ROCK1: variants seen among roughly 807,000 people sequenced by gnomAD.
ROCK1 encodes rho-associated protein kinase 1.
In ROCK1, 36 loss-of-function variants were observed where a neutral mutation model predicts 196.8. The ratio of observed to expected loss-of-function variants is 0.18; its 90% CI spans 0.14 to 0.24. The LOEUF (loss-of-function observed/expected upper bound fraction) is 0.24. ROCK1 is among the 10% of genes least tolerant of loss of function. ROCK1 has a pLI of 1.00. For missense variants in ROCK1, 920 were observed against 1,562.0 expected (o/e 0.59, Z 6.93); for synonymous variants, 443 against 515.9 (o/e 0.86, Z 1.91).
At chr18:21,065,353 T>G (rs529155684) in intron 2 of ROCK1, among the ~76,000 whole-genome samples, 4 of 152,104 alleles carry the variant, frequency 2.6e-5, no homozygotes, top group Non-Finnish European at 5.9e-5. Flanking sequence ...ACATAAAATA[T>G]CAGTTCTGTT....
intron 13 of ROCK1, among the ~76,000 whole-genome samples, chr18:21,009,052 C>G (rs906961472): frequency 3.3e-5 from 5 of 152,090 alleles, no homozygotes; most frequent in Non-Finnish European, 7.4e-5. Context: ...CACCCATCCC[C>G]GTCCTCCCAC....
chr18:21,086,042 C>A (rs2036523970), intron 1 of ROCK1, among the ~76,000 whole-genome samples: 1 of 151,412 alleles, frequency 6.6e-6, no homozygotes, highest in African/African-American at 2.4e-5. Context: ...TTTTAAGTAT[C>A]TAATTTGTTA....
Position 21,076,989 on chromosome 18 carries a change from C to T in ROCK1, c.94-6376G>A, listed in dbSNP as rs1420196574. On this transcript the variant is annotated intron_variant, in intron 1 of 32. Coordinates refer to ENST00000399799, the MANE Select transcript of ROCK1 (RefSeq NM_005406.3). The stretch of plus-strand genomic sequence containing the variant: ...TTTTTTTTTTTTTTTTTTTTTGAGA[C>T]GGAGTCTCGCTCTGTCGCCCAGGCC... Among the ~76,000 whole-genome samples the T allele has an allele frequency of 5.7e-5, 6 of 105,122 alleles. No homozygotes were observed. The East Asian group carries it at 1.5e-3, about 27-fold the overall frequency. 69.0% of individuals were successfully genotyped at this position (105,122 alleles called of 152,430 possible). A position where few individuals can be genotyped will look rare whatever the true frequency, so the allele number is the denominator to read the frequency against.
At chr18:21,040,882 T>C (rs2036099809) in intron 8 of ROCK1, among the ~76,000 whole-genome samples, 1 of 152,102 alleles carries the variant, frequency 6.6e-6, no homozygotes, top group Non-Finnish European at 1.5e-5. Context: ...CCCAGCACTT[T>C]GGGAGGCCAA....
intron 32 of ROCK1, chr18:20,953,311 G>C: frequency 3.4e-6 from 1 of 294,862 alleles, no homozygotes; most frequent in African/African-American, 2.2e-5. Context: ...GTTGGTTAAA[G>C]CATTAAGGGC....
At chr18:20,990,091 A>G (rs2035610426) in intron 18 of ROCK1, among the ~76,000 whole-genome samples, 1 of 151,944 alleles carries the variant, frequency 6.6e-6, no homozygotes, top group Non-Finnish European at 1.5e-5. Flanking sequence ...AAAAATAAAT[A>G]ATTTTTAAAA....
At chr18:20,979,667 C>T (rs2035512445) in intron 22 of ROCK1, among the ~76,000 whole-genome samples, 1 of 151,852 alleles carries the variant, frequency 6.6e-6, no homozygotes. Flanking sequence ...CCCCTGAAAA[C>T]AATTGTCAAA....
chr18:21,091,905 G>GT (rs1373296806), intron 1 of ROCK1, among the ~76,000 whole-genome samples: 1 of 148,882 alleles, frequency 6.7e-6, no homozygotes, highest in Non-Finnish European at 1.5e-5. Context: ...GGGGTGGGCG[G>GT]TGGGGCAAAG....
rs575272403 is a variant in ROCK1 at position 21,101,533 on chromosome 18, A to C, written c.93+9285T>G. Among the ~76,000 whole-genome samples, 7 of 152,380 alleles carry C rather than the reference A, an allele frequency of 4.6e-5. No homozygotes were observed. The East Asian group carries it at 9.6e-4, about 21-fold the overall frequency. On this transcript the variant is annotated intron_variant, in intron 1 of 32. Transcript: ENST00000399799. ...ATATGGAAAATACAGGAAGAAGTTA[A>C]ATTACATCATTAGGAAAGTAAAAAG... is the stretch of plus-strand genomic sequence containing the variant.
chr18:21,067,574 A>T (rs764271447), intron 2 of ROCK1, among the ~76,000 whole-genome samples: 3 of 151,860 alleles, frequency 2.0e-5, no homozygotes, highest in Non-Finnish European at 4.4e-5. Context: ...TTTAGTAGAG[A>T]TGGGGTTTCG....
chr18:21,042,822 T>C (rs1175175848), intron 6 of ROCK1, 113 bp from the exon 7 acceptor site: 9 of 1,049,408 alleles, frequency 8.6e-6, no homozygotes, highest in Non-Finnish European at 1.2e-5. Flanking sequence ...CTATAAAATA[T>C]CATATATTAA....
At chr18:20,960,289 G>GC in intron 27 of ROCK1, 83 bp from the exon 28 acceptor site, 1 of 823,866 alleles carries the variant, frequency 1.2e-6, no homozygotes, top group Non-Finnish European at 2.1e-6. Context: ...ACAGCATGCA[G>GC]CAACAAGCAA....
chr18:21,108,011 C>T (rs2036718228), intron 1 of ROCK1, among the ~76,000 whole-genome samples: 1 of 151,646 alleles, frequency 6.6e-6, no homozygotes, highest in South Asian at 2.1e-4. Context: ...GCCAAGATCG[C>T]GCCACTGCAC....
At chr18:21,057,807 C>A (rs139308435) in intron 2 of ROCK1, among the ~76,000 whole-genome samples, 1 of 151,510 alleles carries the variant, frequency 6.6e-6, no homozygotes, top group African/African-American at 2.4e-5. Context: ...GGTGACTGAC[C>A]GAGACTCTGT....
At chr18:21,034,167 GA>G (rs994428283) in intron 9 of ROCK1, among the ~76,000 whole-genome samples, 2 of 152,056 alleles carry the variant, frequency 1.3e-5, no homozygotes, top group African/African-American at 4.8e-5. Context: ...AATAAATGGG[GA>G]CACATCCTGT....
At chr18:21,081,402 T>C (rs2036481802) in intron 1 of ROCK1, among the ~76,000 whole-genome samples, 1 of 151,904 alleles carries the variant, frequency 6.6e-6, no homozygotes. Context: ...TGCTTACATT[T>C]TAAAAAGAAA....
chr18:20,956,179 G>C (rs2035240082), intron 29 of ROCK1, among the ~76,000 whole-genome samples: 1 of 151,864 alleles, frequency 6.6e-6, no homozygotes, highest in African/African-American at 2.4e-5. Flanking sequence ...GAGAGAGAGT[G>C]AAAGAGAAAG....
intron 22 of ROCK1, among the ~76,000 whole-genome samples, chr18:20,975,479 T>C (rs931321959): frequency 1.3e-5 from 2 of 152,216 alleles, no homozygotes; most frequent in Non-Finnish European, 2.9e-5. Context: ...TTAATACCTA[T>C]TCTCATCTCT....
At chr18:20,987,178 G>A in intron 18 of ROCK1, 68 bp from the exon 19 acceptor site, 1 of 1,438,584 alleles carries the variant, frequency 7.0e-7, no homozygotes, top group Non-Finnish European at 9.6e-7. Flanking sequence ...CACTTTATAT[G>A]GGCTGTAAAC....
Sources: gnomAD v4.1 joint callset for allele counts (sites outside exome capture counted in the v4.1 genomes callset) on GRCh38, gnomAD v4.1.1 for gene constraint, MANE v1.5 for transcripts, NCBI Gene and HGNC (gene_info 2026-07-23, HGNC 2026-07-21) for gene names.